The following CACNG2 variants were observed in gnomAD, a reference collection of about 807,000 sequenced individuals.
CACNG2 encodes the protein voltage-dependent calcium channel gamma-2 subunit.
A neutral mutation model predicts 25.9 loss-of-function variants in CACNG2; 3 were observed. The ratio of observed to expected loss-of-function variants is 0.12; its 90% CI spans 0.05 to 0.30. The LOEUF (loss-of-function observed/expected upper bound fraction) is 0.30. Ranked by LOEUF, CACNG2 falls within the 10% of genes least tolerant of loss-of-function variation. CACNG2 has a pLI of 1.00. For synonymous variants in CACNG2, 167 were observed against 173.3 expected (o/e 0.96, Z 0.29); for missense variants, 341 against 432.5 (o/e 0.79, Z 1.88).
At chr22:36,593,483 C>A (rs898614825) in intron 1 of CACNG2, among the ~76,000 whole-genome samples, 7 of 152,092 alleles carry the variant, frequency 4.6e-5, no homozygotes, top group Admixed American at 1.3e-4. Flanking sequence ...CCAGGGAGGC[C>A]TGGGATGTGA....
At chr22:36,583,144 T>A (rs1935447230) in intron 2 of CACNG2, among the ~76,000 whole-genome samples, 1 of 147,146 alleles carries the variant, frequency 6.8e-6, no homozygotes, top group Non-Finnish European at 1.5e-5. Flanking sequence ...CCAGGAAGAA[T>A]TAATTTAGGG....
intron 1 of CACNG2, among the ~76,000 whole-genome samples, chr22:36,628,578 G>A (rs532405939): frequency 6.6e-6 from 1 of 152,304 alleles, no homozygotes; most frequent in South Asian, 2.1e-4. Context: ...TCAAATGGAA[G>A]GGACAGGTAG....
intron 1 of CACNG2, among the ~76,000 whole-genome samples, chr22:36,593,690 G>C (rs1224875726): frequency 6.6e-6 from 1 of 152,142 alleles, no homozygotes; most frequent in Non-Finnish European, 1.5e-5. Context: ...ACACAGCCCT[G>C]AGGGACAAGT....
intron 1 of CACNG2, among the ~76,000 whole-genome samples, chr22:36,627,057 G>A (rs975917304): frequency 6.6e-6 from 1 of 152,244 alleles, no homozygotes; most frequent in African/African-American, 2.4e-5. Flanking sequence ...CTATGTCAAA[G>A]TCTGTCACTC....
At chr22:36,682,805 A>C (rs1456335654) in intron 1 of CACNG2, among the ~76,000 whole-genome samples, 1 of 152,220 alleles carries the variant, frequency 6.6e-6, no homozygotes, top group Admixed American at 6.5e-5. Flanking sequence ...AGTTATTTAA[A>C]GGAAATCCAG....
intron 1 of CACNG2, among the ~76,000 whole-genome samples, chr22:36,644,343 G>T (rs1936487420): frequency 6.6e-6 from 1 of 152,204 alleles, no homozygotes. Flanking sequence ...ACGTCTTCCT[G>T]TTCTCAGCCT....
At chr22:36,643,639 A>G (rs978097709) in intron 1 of CACNG2, among the ~76,000 whole-genome samples, 5 of 152,136 alleles carry the variant, frequency 3.3e-5, no homozygotes, top group African/African-American at 4.8e-5. Context: ...AGAAACACCA[A>G]TGGGCAGGTC....
At chr22:36,591,748 G>T (rs186706925) in intron 1 of CACNG2, among the ~76,000 whole-genome samples, 2 of 152,206 alleles carry the variant, frequency 1.3e-5, no homozygotes, top group Non-Finnish European at 2.9e-5. Flanking sequence ...GAGCAATACA[G>T]GTGCACTGTG....
At chr22:36,592,640 T>C (rs1236692086) in intron 1 of CACNG2, among the ~76,000 whole-genome samples, 1 of 152,030 alleles carries the variant, frequency 6.6e-6, no homozygotes, top group East Asian at 1.9e-4. Flanking sequence ...AAATCACCGA[T>C]TGGTTTTTAG....
chr22:36,689,729 C>T (rs1937245037), intron 1 of CACNG2, among the ~76,000 whole-genome samples: 1 of 152,236 alleles, frequency 6.6e-6, no homozygotes, highest in Non-Finnish European at 1.5e-5. Context: ...CAGCCAGCAC[C>T]AACAGCGTGG....
chr22:36,594,681 G>C (rs145737369), intron 1 of CACNG2, among the ~76,000 whole-genome samples: 1 of 152,048 alleles, frequency 6.6e-6, no homozygotes, highest in Non-Finnish European at 1.5e-5. Context: ...GTGTATGCCC[G>C]CGTGTGTGTC....
At chr22:36,582,371 C>T (rs1294547816) in intron 2 of CACNG2, among the ~76,000 whole-genome samples, 1 of 152,018 alleles carries the variant, frequency 6.6e-6, no homozygotes, top group African/African-American at 2.4e-5. Flanking sequence ...TGCTCCCAAC[C>T]CAGGACCTTT....
chr22:36,667,644 G>A (rs1354551311), intron 1 of CACNG2, among the ~76,000 whole-genome samples: 4 of 152,208 alleles, frequency 2.6e-5, no homozygotes, highest in Admixed American at 6.5e-5. Context: ...TTGAAAGGCC[G>A]TTTGGTTTAT....
At position 36,613,156 on chromosome 22, in the gene CACNG2, C is replaced by CTCTCTGTGTGTG. The variant is rs140413982; in HGVS notation, c.212-25609_212-25608insCACACACAGAGA. On this transcript the variant is annotated intron_variant, in intron 1 of 3. Transcript: ENST00000300105. ...AAAAGTTCATTTCATTACAGGCTCTCTGTGTGTGTGTGTGTGTGTGTGTGT... is the reference window on the plus strand; with the variant it reads ...AAAAGTTCATTTCATTACAGGCTCTCTCTCTGTGTGTGTGTGTGTGTGTGTGTGTGTGTGTGT... Among the ~76,000 whole-genome samples the CTCTCTGTGTGTG allele has an allele frequency of 6.2e-5, 9 of 146,122 alleles. No homozygotes were observed. In the South Asian group the frequency reaches 6.7e-4, roughly 11 times the overall value.
intron 1 of CACNG2, among the ~76,000 whole-genome samples, chr22:36,690,203 G>A (rs1937251050): frequency 6.6e-6 from 1 of 152,224 alleles, no homozygotes; most frequent in Non-Finnish European, 1.5e-5. Context: ...ACGCACGGTG[G>A]AGCGGAGCAG....
At chr22:36,612,246 C>T (rs908343703) in intron 1 of CACNG2, among the ~76,000 whole-genome samples, 14 of 152,162 alleles carry the variant, frequency 9.2e-5, no homozygotes, top group African/African-American at 3.1e-4. Context: ...TTGGAGAATA[C>T]AATGATAAGT....
intron 1 of CACNG2, among the ~76,000 whole-genome samples, chr22:36,600,646 A>G (rs749646540): frequency 2.0e-5 from 3 of 151,604 alleles, no homozygotes; most frequent in Non-Finnish European, 4.4e-5. Context: ...TCCCGAGTTC[A>G]AGCGATTCTT....
At chr22:36,633,266 A>G (rs1936303761) in intron 1 of CACNG2, among the ~76,000 whole-genome samples, 1 of 152,238 alleles carries the variant, frequency 6.6e-6, no homozygotes, top group African/African-American at 2.4e-5. Flanking sequence ...TTCAGATTCT[A>G]TAACAGTGTT....
chr22:36,626,385 ACTT>A (rs1364972335), intron 1 of CACNG2, among the ~76,000 whole-genome samples: 3 of 152,054 alleles, frequency 2.0e-5, no homozygotes, highest in South Asian at 2.1e-4. Context: ...ATTCTTGACT[ACTT>A]CTTTTTTTTT....
Sources: gnomAD v4.1 joint callset for allele counts (sites outside exome capture counted in the v4.1 genomes callset) on GRCh38, gnomAD v4.1.1 for gene constraint, MANE v1.5 for transcripts, NCBI Gene and HGNC (gene_info 2026-07-23, HGNC 2026-07-21) for gene names.